The following PHF2 variants were observed in gnomAD, a reference collection of about 807,000 sequenced individuals.
The protein encoded by PHF2 is PHD finger protein 2.
A neutral mutation model predicts 120.5 loss-of-function variants in PHF2; 27 were observed. The observed-to-expected ratio is 0.22, with a 90% CI of 0.17 to 0.31. The LOEUF (loss-of-function observed/expected upper bound fraction) is 0.31, where lower values mean the gene tolerates loss of function less well. PHF2 is among the 10% of genes least tolerant of loss of function. PHF2 has a pLI of 1.00. For missense variants in PHF2, 1,024 were observed against 1,434.8 expected, an observed-to-expected ratio of 0.71 and a Z score of 4.63; for synonymous variants, 568 against 592.5, an observed-to-expected ratio of 0.96 and a Z score of 0.60.
chr9:93,653,459 A>G, intron 6 of PHF2, 94 bp downstream of exon 6: 1 of 1,328,340 alleles, frequency 7.5e-7, no homozygotes, highest in Non-Finnish European at 1.1e-6. Flanking sequence ...ATTGGCCAGG[A>G]TGCGACTCCC....
chr9:93,597,092 A>C (rs1198054041), intron 1 of PHF2, among the ~76,000 whole-genome samples: 1 of 151,734 alleles, frequency 6.6e-6, no homozygotes, highest in Non-Finnish European at 1.5e-5. Flanking sequence ...CACCACACCC[A>C]GCTAATTTTT....
intron 11 of PHF2, 70 bp downstream of exon 11, chr9:93,659,670 TC>T: frequency 7.1e-7 from 1 of 1,406,636 alleles, no homozygotes; most frequent in Non-Finnish European, 9.9e-7. Context: ...TTTCTCTGGG[TC>T]CAGGGGCCAG....
intron 1 of PHF2, among the ~76,000 whole-genome samples, chr9:93,597,192 G>C (rs1825351663): frequency 6.6e-6 from 1 of 152,152 alleles, no homozygotes; most frequent in South Asian, 2.1e-4. Flanking sequence ...GCCTCCCAAA[G>C]TGCTGGGATT....
At chr9:93,604,099 C>G (rs1825493443) in intron 1 of PHF2, among the ~76,000 whole-genome samples, 3 of 152,292 alleles carry the variant, frequency 2.0e-5, no homozygotes, top group African/African-American at 7.2e-5. Context: ...TGGGGGAGTG[C>G]AGGGAGGCAC....
chr9:93,598,945 G>A (rs1287509767), intron 1 of PHF2, among the ~76,000 whole-genome samples: 5 of 152,136 alleles, frequency 3.3e-5, no homozygotes, highest in South Asian at 2.1e-4. Flanking sequence ...ACCTTTTGAC[G>A]TGGCTGGTAT....
chr9:93,653,514 G>A, intron 6 of PHF2, 149 bp downstream of exon 6: 1 of 751,762 alleles, frequency 1.3e-6, no homozygotes, highest in East Asian at 2.7e-5. Flanking sequence ...GAGGCCTCTG[G>A]AGACATCTCT....
chr9:93,650,253 A>G (rs1826344515), intron 5 of PHF2, among the ~76,000 whole-genome samples: 1 of 151,976 alleles, frequency 6.6e-6, no homozygotes, highest in Non-Finnish European at 1.5e-5. Context: ...TCATGGACAC[A>G]CTTGTGGGCA....
At position 93,623,151 on chromosome 9, in the gene PHF2, A is replaced by T. The variant is rs1825852469; in HGVS notation, c.99-6819A>T. Among the ~76,000 whole-genome samples, 7 of 152,068 alleles carry T rather than the reference A, an allele frequency of 4.6e-5. No individual in the cohort carries two copies. In the South Asian group the frequency reaches 1.5e-3, roughly 32 times the overall value. On this transcript the variant is annotated intron_variant, in intron 1 of 21. Coordinates refer to ENST00000359246, the MANE Select transcript of PHF2 (RefSeq NM_005392.4). The stretch of plus-strand genomic sequence containing the variant: ...ACATGGAGTGTGGTTGTGGCTGTGG[A>T]TGTGGATTTGGGGTCTCACATGGAT...
intron 1 of PHF2, among the ~76,000 whole-genome samples, chr9:93,591,903 C>T (rs1049454389): frequency 3.9e-5 from 6 of 152,248 alleles, no homozygotes; most frequent in Non-Finnish European, 8.8e-5. Flanking sequence ...TCTGGCTGCT[C>T]ACCTGCAGAG....
chr9:93,610,013 A>C (rs962276027), intron 1 of PHF2, among the ~76,000 whole-genome samples: 1 of 151,532 alleles, frequency 6.6e-6, no homozygotes, highest in Non-Finnish European at 1.5e-5. Context: ...TTTTTTCAAG[A>C]TATTCTTTTT....
intron 3 of PHF2, among the ~76,000 whole-genome samples, chr9:93,644,950 G>T (rs1826229493): frequency 1.3e-5 from 2 of 152,168 alleles, no homozygotes; most frequent in African/African-American, 4.8e-5. Context: ...AGGACAGGAT[G>T]CTCTTGTCCG....
At chr9:93,601,131 A>G (rs527968203) in intron 1 of PHF2, among the ~76,000 whole-genome samples, 8 of 152,328 alleles carry the variant, frequency 5.3e-5, no homozygotes, top group South Asian at 4.1e-4. Context: ...GGAGAAAAAA[A>G]GGCATATTAT....
chr9:93,619,967 T>G (rs1394729774), intron 1 of PHF2, among the ~76,000 whole-genome samples: 1 of 152,156 alleles, frequency 6.6e-6, no homozygotes, highest in African/African-American at 2.4e-5. Context: ...TGCCCTGAGT[T>G]TTTGGAGAAG....
At chr9:93,599,597 G>A (rs1025934808) in intron 1 of PHF2, among the ~76,000 whole-genome samples, 3 of 152,242 alleles carry the variant, frequency 2.0e-5, no homozygotes, top group Non-Finnish European at 4.4e-5. Context: ...ACAAATGCCG[G>A]TGAAGCAGCT....
Position 93,677,653 on chromosome 9 carries a change from C to T in PHF2, c.3268C>T (p.Arg1090Trp). Residue 1090 changes from arginine (R) to tryptophan (W), a missense_variant, in exon 22 of 22, where the codon CGG becomes TGG. By Grantham distance (101) the Arg-to-Trp change is moderately radical. Transcript: ENST00000359246. This position sits in a 1 kb window ranked among gnomAD's most constrained non-coding sequence, Gnocchi z 4.4. ...QRLGKILKIHRNGKLLL is the reference protein window; with the variant it reads ...QRLGKILKIHWNGKLLL ...GCTTGGGAAAATTTTGAAAATTCAT[C>T]GGAACGGGAAACTACTCCTTTAAGA... 6.2e-7 allele frequency: 1 copy of T among 1,613,566 alleles called. No homozygotes were observed. The highest frequency in any genetic ancestry group is 8.5e-7 in the Non-Finnish European group (1 of 1,179,658).
chr9:93,633,521 G>A (rs1347975231), intron 2 of PHF2, among the ~76,000 whole-genome samples: 1 of 152,220 alleles, frequency 6.6e-6, no homozygotes, highest in East Asian at 1.9e-4. Context: ...CAGTGGGTGT[G>A]TTGTCACAGG....
chr9:93,619,040 C>G (rs1437603966), intron 1 of PHF2, among the ~76,000 whole-genome samples: 1 of 150,296 alleles, frequency 6.7e-6, no homozygotes, highest in East Asian at 2.0e-4. Context: ...TCCTTGCCCA[C>G]CATGTGGTAC....
chr9:93,619,717 T>C (rs1454280632), intron 1 of PHF2, among the ~76,000 whole-genome samples: 2 of 152,232 alleles, frequency 1.3e-5, no homozygotes, highest in Non-Finnish European at 2.9e-5. Context: ...GTGGGCCTGT[T>C]GCGGCCCCTG....
At chr9:93,671,499 T>C (rs1826791114) in intron 17 of PHF2, among the ~76,000 whole-genome samples, 1 of 124,052 alleles carries the variant, frequency 8.1e-6, no homozygotes, top group African/African-American at 3.3e-5. Flanking sequence ...GGTACAGGTG[T>C]AGATGCAGGT....
Sources: gnomAD v4.1 joint callset for allele counts (sites outside exome capture counted in the v4.1 genomes callset) on GRCh38, gnomAD v4.1.1 for gene constraint, Gnocchi (gnomAD v3.1) non-coding constraint, MANE v1.5 for transcripts, NCBI Gene and HGNC (gene_info 2026-07-23, HGNC 2026-07-21) for gene names.